Variants in DOCK1 observed in about 807,000 individuals in gnomAD.
DOCK1 encodes dedicator of cytokinesis protein 1.
In DOCK1, 138 loss-of-function variants were observed where a neutral mutation model predicts 262.7. That is an observed-to-expected ratio of 0.53 (90% CI 0.46 to 0.61). DOCK1 has a LOEUF of 0.61. DOCK1 is among the 20% of genes least tolerant of loss of function. DOCK1 has a pLI of 0.00. For synonymous variants in DOCK1, 866 were observed against 867.4 expected (o/e 1.00, Z 0.03); for missense variants, 1,908 against 2,370.7 (o/e 0.80, Z 4.05).
chr10:127,200,334 G>A (rs2057395308), intron 27 of DOCK1, among the ~76,000 whole-genome samples: 2 of 152,226 alleles, frequency 1.3e-5, no homozygotes, highest in Admixed American at 6.5e-5. Flanking sequence ...TATATGGGGA[G>A]CTCTGCTCTG....
At chr10:126,975,536 A>G (rs906063059) in intron 2 of DOCK1, among the ~76,000 whole-genome samples, 2 of 151,958 alleles carry the variant, frequency 1.3e-5, no homozygotes, top group African/African-American at 2.4e-5. Flanking sequence ...TTCTCTGACT[A>G]TTATTAAACT....
intron 29 of DOCK1, among the ~76,000 whole-genome samples, chr10:127,278,461 G>GT (rs2060826064): frequency 6.6e-6 from 1 of 152,140 alleles, no homozygotes; most frequent in East Asian, 1.9e-4. Flanking sequence ...GGACCAGAAG[G>GT]TTTTGTTCTC....
chr10:127,306,537 C>G (rs2061883718), intron 29 of DOCK1, among the ~76,000 whole-genome samples: 1 of 151,984 alleles, frequency 6.6e-6, no homozygotes, highest in Non-Finnish European at 1.5e-5. Flanking sequence ...ACGTTACAAG[C>G]ACAGCTTTTG....
intron 27 of DOCK1, among the ~76,000 whole-genome samples, chr10:127,237,469 C>A (rs1313341404): frequency 2.0e-5 from 3 of 151,960 alleles, no homozygotes; most frequent in Non-Finnish European, 4.4e-5. Flanking sequence ...CTCTTTCTTA[C>A]AACTTCCACT....
chr10:127,020,505 C>T (rs950509696), intron 13 of DOCK1, among the ~76,000 whole-genome samples: 2 of 150,904 alleles, frequency 1.3e-5, no homozygotes, highest in African/African-American at 2.4e-5. Context: ...AGGTCAAAGC[C>T]GTAGTGAGCC....
intron 33 of DOCK1, among the ~76,000 whole-genome samples, chr10:127,372,944 C>T (rs72841522): frequency 0.053 from 8,118 of 152,242 alleles, 317 homozygotes; most frequent in Middle Eastern, 0.092. Flanking sequence ...TGGCTAGTCA[C>T]CAGGCCGGAG....
rs539322812 is a variant in DOCK1 at position 127,185,844 on chromosome 10, A to G, written c.2847+58080A>G. ...CACACACACTCACAAAAATGAGTAG[A>G]TGGCACAGAAATGGTACAGGTTCTA... On this transcript the variant is annotated intron_variant, in intron 27 of 51. Coordinates refer to ENST00000623213, the MANE Select transcript of DOCK1 (RefSeq NM_001290223.2). Among the ~76,000 whole-genome samples, 142 of 152,206 alleles carry G rather than the reference A, an allele frequency of 9.3e-4. 1 individual carries two copies. The highest frequency in any genetic ancestry group is 1.8e-3 in the Non-Finnish European group (125 of 68,042).
chr10:127,382,800 A>T (rs1192428786), intron 37 of DOCK1, among the ~76,000 whole-genome samples: 1 of 152,188 alleles, frequency 6.6e-6, no homozygotes, highest in Non-Finnish European at 1.5e-5. Context: ...GTGAATGTAA[A>T]ACATATATAT....
rs954845328 is a variant in DOCK1 at position 127,314,042 on chromosome 10, G to A, written c.3045-24964G>A. Among the ~76,000 whole-genome samples, 5 of 152,288 alleles carry A rather than the reference G, an allele frequency of 3.3e-5. No individual in the cohort carries two copies. In the East Asian group the frequency reaches 7.8e-4, roughly 24 times the overall value. On this transcript the variant is annotated intron_variant, in intron 29 of 51. Transcript: ENST00000623213. Reference sequence around the variant, plus strand: ...CTAGAGAAAATGACCTTTCATGCCCGTGAATAATGAGGCTGGAAATATTTC... The same window carrying A: ...CTAGAGAAAATGACCTTTCATGCCCATGAATAATGAGGCTGGAAATATTTC...
At chr10:127,129,160 A>C (rs144391547) in intron 27 of DOCK1, among the ~76,000 whole-genome samples, 1 of 152,200 alleles carries the variant, frequency 6.6e-6, no homozygotes, top group Admixed American at 6.5e-5. Context: ...CGTCACAGAC[A>C]GGTCGCACAG....
intron 33 of DOCK1, among the ~76,000 whole-genome samples, chr10:127,371,359 A>G (rs1293204715): frequency 6.6e-6 from 1 of 152,138 alleles, no homozygotes; most frequent in Non-Finnish European, 1.5e-5. Context: ...TTTACTTACC[A>G]CTCATCCACC....
intron 19 of DOCK1, 26 bp downstream of exon 19, chr10:127,037,842 T>C: frequency 6.7e-7 from 1 of 1,490,298 alleles, no homozygotes; most frequent in Non-Finnish European, 8.9e-7. Flanking sequence ...AAGGGACTTT[T>C]TGGGTCTTTT....
Position 127,336,959 on chromosome 10 carries a change from A to G in DOCK1, c.3045-2047A>G, listed in dbSNP as rs573975081. Among the ~76,000 whole-genome samples the G allele has an allele frequency of 3.0e-3, 464 of 152,206 alleles. 5 individuals are homozygous for G. Among genetic ancestry groups the G allele is most frequent in the African/African-American group, 0.011 (445 of 41,514 alleles). On this transcript the variant is annotated intron_variant, in intron 29 of 51. Coordinates refer to ENST00000623213, the MANE Select transcript of DOCK1 (RefSeq NM_001290223.2). ...GGTGCTATCTTGAGGCACAATAATT[A>G]CCCTATAATAATAATGTGTGTTTTA...
intron 31 of DOCK1, among the ~76,000 whole-genome samples, chr10:127,347,353 G>A (rs1409811014): frequency 1.3e-5 from 2 of 152,218 alleles, no homozygotes; most frequent in East Asian, 1.9e-4. Flanking sequence ...GTGGAGTGGG[G>A]CACGCATGCA....
chr10:127,447,259 G>C, intron 50 of DOCK1, 135 bp from the exon 51 acceptor site: 3 of 1,327,570 alleles, frequency 2.3e-6, no homozygotes, highest in Non-Finnish European at 3.1e-6. Context: ...CATCTGCTCT[G>C]TTGACAAACG....
chr10:127,259,067 C>T (rs1170467141), intron 29 of DOCK1, among the ~76,000 whole-genome samples: 1 of 152,126 alleles, frequency 6.6e-6, no homozygotes, highest in Non-Finnish European at 1.5e-5. Flanking sequence ...GTTCACCCCG[C>T]GTCAGATGTT....
In DOCK1 at chr10:127,310,167, G is replaced by T. The variant is rs188497866; in HGVS notation, c.3045-28839G>T. Among the ~76,000 whole-genome samples the T allele has an allele frequency of 1.1e-4, 17 of 152,246 alleles. No individual in the cohort carries two copies. In the East Asian group the frequency reaches 3.1e-3, roughly 28 times the overall value. Reference sequence around the variant, plus strand: ...TGGGATTATAAGCGTGAGCCACTGCGCCCGGCCTGCTTTACACTTTTTACA... The same window carrying T: ...TGGGATTATAAGCGTGAGCCACTGCTCCCGGCCTGCTTTACACTTTTTACA... On this transcript the variant is annotated intron_variant, in intron 29 of 51. Transcript: ENST00000623213.
intron 1 of DOCK1, among the ~76,000 whole-genome samples, chr10:126,912,740 AAAAAG>A (rs1277017509): frequency 3.3e-5 from 5 of 151,810 alleles, no homozygotes; most frequent in East Asian, 1.9e-4. Context: ...AAAAAAAAAA[AAAAAG>A]AAAGAAAGGA....
intron 23 of DOCK1, among the ~76,000 whole-genome samples, chr10:127,070,981 C>A (rs548845977): frequency 6.6e-6 from 1 of 152,000 alleles, no homozygotes; most frequent in Non-Finnish European, 1.5e-5. Context: ...TTCAGGCTGC[C>A]TGCCCTCAGC....
Sources: allele counts gnomAD v4.1 joint callset (sites outside exome capture counted in the v4.1 genomes callset), GRCh38; gene constraint gnomAD v4.1.1; transcripts MANE v1.5; gene names NCBI Gene and HGNC (gene_info 2026-07-23, HGNC 2026-07-21).